TRABD2B: variants seen among roughly 807,000 people sequenced by gnomAD.
The protein encoded by TRABD2B is metalloprotease TIKI2.
Under a neutral mutation model 40.1 loss-of-function variants are expected in TRABD2B, and 14 were observed. The observed-to-expected ratio is 0.35, with a 90% CI of 0.23 to 0.55. The LOEUF (loss-of-function observed/expected upper bound fraction) is 0.55. Ranked by LOEUF, TRABD2B falls within the 20% of genes least tolerant of loss-of-function variation. The pLI is 0.90. For missense variants in TRABD2B, 541 were observed against 648.6 expected (o/e 0.83, Z 1.80); for synonymous variants, 263 against 277.0 (o/e 0.95, Z 0.50).
intron 2 of TRABD2B, among the ~76,000 whole-genome samples, chr1:47,872,234 T>C (rs1364119500): frequency 1.3e-5 from 2 of 152,192 alleles, no homozygotes; most frequent in East Asian, 1.9e-4. Flanking sequence ...TCTGGACCTG[T>C]GTCTGGCCTC....
At chr1:47,846,245 T>A (rs766490746) in intron 2 of TRABD2B, among the ~76,000 whole-genome samples, 21 of 152,266 alleles carry the variant, frequency 1.4e-4, no homozygotes, top group Non-Finnish European at 2.2e-4. Flanking sequence ...AAGTGGCTTT[T>A]CTTTCCAAGG....
At chr1:47,966,742 T>C (rs1337855335) in intron 2 of TRABD2B, among the ~76,000 whole-genome samples, 1 of 151,794 alleles carries the variant, frequency 6.6e-6, no homozygotes, top group East Asian at 1.9e-4. Flanking sequence ...CCATCTCTAC[T>C]GAAAATATAA....
chr1:47,841,312 G>T (rs762837211), intron 2 of TRABD2B, among the ~76,000 whole-genome samples: 4 of 152,122 alleles, frequency 2.6e-5, no homozygotes, highest in Non-Finnish European at 5.9e-5. Flanking sequence ...GCAGGCCAAG[G>T]CTTTCCCCAA....
chr1:47,951,204 G>A (rs956057196), intron 2 of TRABD2B, among the ~76,000 whole-genome samples: 6 of 152,180 alleles, frequency 3.9e-5, no homozygotes, highest in Admixed American at 1.3e-4. Context: ...ACAGGCAGGC[G>A]GGCAGGCAGG....
intron 2 of TRABD2B, among the ~76,000 whole-genome samples, chr1:47,864,380 A>G (rs1284535137): frequency 1.3e-5 from 2 of 152,104 alleles, no homozygotes; most frequent in Non-Finnish European, 2.9e-5. Context: ...GATTTATAAT[A>G]GGGGATGCTG....
At chr1:47,990,969 C>T (rs1050140146) in intron 2 of TRABD2B, among the ~76,000 whole-genome samples, 5 of 150,748 alleles carry the variant, frequency 3.3e-5, no homozygotes, top group East Asian at 3.9e-4. Context: ...GCCTCATAGC[C>T]GAAGGAAATA....
At chr1:47,861,286 G>T (rs1031379535) in intron 2 of TRABD2B, among the ~76,000 whole-genome samples, 11 of 152,038 alleles carry the variant, frequency 7.2e-5, no homozygotes, top group African/African-American at 2.4e-4. Flanking sequence ...GTGGTGGTGG[G>T]GGTGGCGGGG....
At chr1:47,913,472 G>A (rs938627559) in intron 2 of TRABD2B, among the ~76,000 whole-genome samples, 1 of 152,184 alleles carries the variant, frequency 6.6e-6, no homozygotes, top group Admixed American at 6.5e-5. Context: ...CCAGCTCACT[G>A]TTTACCCAGT....
chr1:47,951,298 C>A (rs1481917700), intron 2 of TRABD2B, among the ~76,000 whole-genome samples: 2 of 152,220 alleles, frequency 1.3e-5, no homozygotes, highest in African/African-American at 4.8e-5. Flanking sequence ...GCGGGGGATT[C>A]TTTTGGGAGA....
At chr1:47,802,723 A>G (rs1644838883) in intron 2 of TRABD2B, among the ~76,000 whole-genome samples, 1 of 151,898 alleles carries the variant, frequency 6.6e-6, no homozygotes, top group Non-Finnish European at 1.5e-5. Flanking sequence ...AGGCCCCAGC[A>G]TTTCTCGTTG....
chr1:47,869,845 G>A (rs994103437), intron 2 of TRABD2B, among the ~76,000 whole-genome samples: 6 of 152,162 alleles, frequency 3.9e-5, no homozygotes, highest in Admixed American at 1.3e-4. Flanking sequence ...TGGAAGCCAC[G>A]GAGGCAGCTG....
intron 2 of TRABD2B, among the ~76,000 whole-genome samples, chr1:47,814,623 G>C (rs372347281): frequency 6.6e-6 from 1 of 152,116 alleles, no homozygotes; most frequent in Non-Finnish European, 1.5e-5. Flanking sequence ...TTGAATCTGG[G>C]CCCTCCCCAC....
At chr1:47,777,511 C>T (rs1305996937) in intron 5 of TRABD2B, among the ~76,000 whole-genome samples, 4 of 152,176 alleles carry the variant, frequency 2.6e-5, no homozygotes, top group South Asian at 2.1e-4. Flanking sequence ...CCACTTACAC[C>T]GCTGTGTGTC....
intron 2 of TRABD2B, among the ~76,000 whole-genome samples, chr1:47,816,165 T>G (rs1360460339): frequency 6.6e-6 from 1 of 152,168 alleles, no homozygotes. Flanking sequence ...TTCTTGCTGC[T>G]GGAGGGCATG....
At chr1:47,981,430 A>T (rs1299191030) in intron 2 of TRABD2B, among the ~76,000 whole-genome samples, 1 of 152,164 alleles carries the variant, frequency 6.6e-6, no homozygotes, top group African/African-American at 2.4e-5. Flanking sequence ...CAGGCAAGTG[A>T]ATTACCGCTC....
chr1:47,882,896 G>A (rs1348300377), intron 2 of TRABD2B, among the ~76,000 whole-genome samples: 1 of 152,130 alleles, frequency 6.6e-6, no homozygotes, highest in Non-Finnish European at 1.5e-5. Flanking sequence ...GCAGGTAAAA[G>A]GATTGGGAGA....
intron 2 of TRABD2B, among the ~76,000 whole-genome samples, chr1:47,968,620 G>A (rs2148419191): frequency 6.6e-6 from 1 of 152,248 alleles, no homozygotes; most frequent in South Asian, 2.1e-4. Flanking sequence ...CACCATGTAT[G>A]AGCCCCCAGG....
intron 2 of TRABD2B, among the ~76,000 whole-genome samples, chr1:47,848,836 C>T (rs1019108117): frequency 2.0e-5 from 3 of 152,136 alleles, no homozygotes; most frequent in Admixed American, 2.0e-4. Context: ...CCATGTGTCC[C>T]CAGGAGAAAA....
chr1:47,799,979 C>A (rs984757878), intron 3 of TRABD2B, among the ~76,000 whole-genome samples: 3 of 151,774 alleles, frequency 2.0e-5, no homozygotes, highest in African/African-American at 7.3e-5. Flanking sequence ...CTTTTCATAG[C>A]ACTGTGTCTA....
Sources: gnomAD v4.1 joint callset for allele counts (sites outside exome capture counted in the v4.1 genomes callset) on GRCh38, gnomAD v4.1.1 for gene constraint, MANE v1.5 for transcripts, NCBI Gene and HGNC (gene_info 2026-07-23, HGNC 2026-07-21) for gene names.